Variants in DENND2B observed in about 807,000 individuals in gnomAD.
DENND2B encodes the protein DENN domain-containing protein 2B.
A neutral mutation model predicts 116.0 loss-of-function variants in DENND2B; 32 were observed. The observed-to-expected ratio is 0.28, with a 90% CI of 0.21 to 0.37. The LOEUF is 0.37. Among genes scored for constraint, DENND2B ranks in the 10% least tolerant of loss-of-function variants. The pLI, the probability that DENND2B is intolerant of heterozygous loss-of-function variation, is 1.00. For missense variants in DENND2B, 1,276 were observed against 1,477.7 expected (o/e 0.86, Z 2.24); for synonymous variants, 588 against 583.9 (o/e 1.01, Z -0.10).
chr11:8,816,694 G>A (rs1480203655), intron 4 of DENND2B, among the ~76,000 whole-genome samples: 1 of 152,222 alleles, frequency 6.6e-6, no homozygotes, highest in African/African-American at 2.4e-5. Flanking sequence ...ATGTGGTCAA[G>A]AGGGAAGCTT....
chr11:8,740,740 G>A (rs1467034298), intron 2 of DENND2B, among the ~76,000 whole-genome samples: 2 of 152,162 alleles, frequency 1.3e-5, no homozygotes, highest in Admixed American at 1.3e-4. Context: ...GAAACTGCCT[G>A]GAAGGTGGCC....
chr11:8,720,992 A>C (rs1315859009), intron 4 of DENND2B, among the ~76,000 whole-genome samples: 7 of 152,172 alleles, frequency 4.6e-5, no homozygotes, highest in Admixed American at 2.6e-4. Flanking sequence ...TCCTGCCCAC[A>C]CAGCTTTCTT....
At chr11:8,903,946 G>A (rs1267405325) in intron 1 of DENND2B, among the ~76,000 whole-genome samples, 2 of 146,122 alleles carry the variant, frequency 1.4e-5, no homozygotes, top group African/African-American at 5.1e-5. Flanking sequence ...CCTAAAACAA[G>A]GAAAAAAGTT....
chr11:8,744,770 T>G (rs1440214123), intron 2 of DENND2B, among the ~76,000 whole-genome samples: 1 of 152,130 alleles, frequency 6.6e-6, no homozygotes, highest in Non-Finnish European at 1.5e-5. Flanking sequence ...GCCTATTCAG[T>G]GGTTACCCTA....
intron 1 of DENND2B, among the ~76,000 whole-genome samples, chr11:8,774,601 G>A (rs1268364250): frequency 2.0e-5 from 3 of 152,186 alleles, no homozygotes; most frequent in Non-Finnish European, 4.4e-5. Context: ...ACTCCTGGCT[G>A]TGCCCTGCTC....
At chr11:8,792,393 G>A (rs987286145) in intron 1 of DENND2B, among the ~76,000 whole-genome samples, 1 of 152,072 alleles carries the variant, frequency 6.6e-6, no homozygotes, top group East Asian at 1.9e-4. Context: ...CTCCACAGCC[G>A]AGAAGCGAGA....
chr11:8,876,357 T>A (rs1393634776), upstream of DENND2B, among the ~76,000 whole-genome samples: 1 of 152,180 alleles, frequency 6.6e-6, no homozygotes, highest in Non-Finnish European at 1.5e-5. Context: ...AAGGAATAAG[T>A]AAACTGAATT....
intron 1 of DENND2B, among the ~76,000 whole-genome samples, chr11:8,789,980 A>C (rs943106019): frequency 6.6e-6 from 1 of 152,114 alleles, no homozygotes; most frequent in African/African-American, 2.4e-5. Context: ...ACACTGGTAA[A>C]TCCAGCCTTT....
chr11:8,869,072 G>A (rs936972083), intron 2 of DENND2B, among the ~76,000 whole-genome samples: 7 of 152,088 alleles, frequency 4.6e-5, no homozygotes, highest in Admixed American at 3.3e-4. Flanking sequence ...GTGTGACCCC[G>A]GGAAGCCAAA....
intron 1 of DENND2B, among the ~76,000 whole-genome samples, chr11:8,751,757 ACTCCAT>A (rs1479061740): frequency 3.3e-5 from 5 of 151,722 alleles, no homozygotes; most frequent in Admixed American, 2.6e-4. Context: ...AGCCCAAGAA[ACTCCAT>A]CTCCATCCAT....
At chr11:8,824,853 A>ATTTTTTTTTTTTTT (rs371924172) in intron 4 of DENND2B, among the ~76,000 whole-genome samples, 1 of 130,238 alleles carries the variant, frequency 7.7e-6, no homozygotes, top group Non-Finnish European at 1.6e-5. Flanking sequence ...ACACCCAGCT[A>ATTTTTTTTTTTTTT]TTTTTTTTTT....
chr11:8,709,055 CAG>C (rs2043142138), intron 11 of DENND2B, among the ~76,000 whole-genome samples: 1 of 152,116 alleles, frequency 6.6e-6, no homozygotes, highest in South Asian at 2.1e-4. Flanking sequence ...CAGCAGGACT[CAG>C]AGGCCTGGAG....
chr11:8,699,062 G>C (rs1038500112), intron 15 of DENND2B, 88 bp from the exon 16 acceptor site: 4 of 1,574,682 alleles, frequency 2.5e-6, no homozygotes, highest in Non-Finnish European at 3.5e-6. Flanking sequence ...AGGTTCCCAG[G>C]GTCAGCTAAC....
At chr11:8,768,071 G>A (rs922921998) in intron 1 of DENND2B, among the ~76,000 whole-genome samples, 5 of 151,982 alleles carry the variant, frequency 3.3e-5, no homozygotes, top group Admixed American at 1.3e-4. Flanking sequence ...GAGGCCTCTC[G>A]GTGAGAAAGC....
chr11:8,792,400 G>T (rs955121498), intron 1 of DENND2B, among the ~76,000 whole-genome samples: 1 of 152,024 alleles, frequency 6.6e-6, no homozygotes, highest in African/African-American at 2.4e-5. Flanking sequence ...GCCGAGAAGC[G>T]AGATGAGGGG....
intron 2 of DENND2B, among the ~76,000 whole-genome samples, chr11:8,734,910 T>C (rs566608366): frequency 6.6e-6 from 1 of 150,700 alleles, no homozygotes; most frequent in South Asian, 2.1e-4. Flanking sequence ...GCTTGATAAT[T>C]ACTCATATTC....
intron 7 of DENND2B, 76 bp downstream of exon 7, chr11:8,714,534 G>T: frequency 7.9e-7 from 1 of 1,270,822 alleles, no homozygotes; most frequent in Non-Finnish European, 1.1e-6. Flanking sequence ...ACCCTCCACA[G>T]GTAAATTGAT....
At position 8,730,314 on chromosome 11, in the gene DENND2B, G is replaced by A. The variant is rs941818676; in HGVS notation, c.976C>T (p.Pro326Ser). Reference sequence around the variant, plus strand: ...GCGCTCACACTCGCGCCCCCTGCCGGCTCCTCCAAGGAGCCCAAGGTTCCA... The same window carrying A: ...GCGCTCACACTCGCGCCCCCTGCCGACTCCTCCAAGGAGCCCAAGGTTCCA... ...KTGTLGSLEE[P>S]AGGASVSAGS... The change falls in exon 3 of 20, where the codon CCG becomes TCG. Residue 326 changes from proline (P) to serine (S), a missense_variant. Physicochemically the swap from Pro to Ser is moderately conservative, Grantham distance 74. Around this residue, in one of 2 missense-constraint regions of DENND2B, gnomAD observed 856 missense variants for 846.6 expected, o/e 1.01. Coordinates refer to ENST00000313726, the MANE Select transcript of DENND2B (RefSeq NM_213618.2). The surrounding 1 kb of genome is among the most constrained non-coding windows in gnomAD (Gnocchi z 4.1). 6.2e-7 allele frequency: 1 copy of A among 1,601,952 alleles called. No homozygotes were observed. Among genetic ancestry groups the A allele is most frequent in the African/African-American group, 1.3e-5 (1 of 74,902 alleles).
At chr11:8,832,105 C>T (rs2062231191) in intron 4 of DENND2B, among the ~76,000 whole-genome samples, 1 of 152,154 alleles carries the variant, frequency 6.6e-6, no homozygotes, top group Non-Finnish European at 1.5e-5. Context: ...CCCCTCACCC[C>T]CGCCTTCCAG....
Sources: allele counts gnomAD v4.1 joint callset (sites outside exome capture counted in the v4.1 genomes callset), GRCh38; gene constraint gnomAD v4.1.1; regional missense constraint gnomAD v4.1.1; non-coding constraint Gnocchi (gnomAD v3.1); transcripts MANE v1.5; gene names NCBI Gene and HGNC (gene_info 2026-07-23, HGNC 2026-07-21).